Variants in ARFGEF3 observed in about 807,000 individuals in gnomAD.
The protein encoded by ARFGEF3 is brefeldin A-inhibited guanine nucleotide-exchange protein 3.
ARFGEF3 carries 96 observed loss-of-function variants against 221.7 expected under a neutral mutation model. The observed-to-expected ratio is 0.43, with a 90% CI of 0.37 to 0.51. The LOEUF (loss-of-function observed/expected upper bound fraction) is 0.51, where lower values mean the gene tolerates loss of function less well. Ranked by LOEUF, ARFGEF3 falls within the 20% of genes least tolerant of loss-of-function variation. The probability of loss-of-function intolerance (pLI) is 0.00; values close to 1 mark genes in which losing one functional copy is unlikely to be tolerated. For missense variants in ARFGEF3, 2,410 were observed against 2,789.9 expected (o/e 0.86, Z 3.07); for synonymous variants, 1,145 against 1,126.8 (o/e 1.02, Z -0.32).
intron 2 of ARFGEF3, among the ~76,000 whole-genome samples, chr6:138,195,795 T>G (rs1439603629): frequency 6.6e-6 from 1 of 152,132 alleles, no homozygotes; most frequent in African/African-American, 2.4e-5. Flanking sequence ...GACAAAGAGC[T>G]TCTTACGAAA....
At chr6:138,298,530 G>A (rs745874330) in intron 21 of ARFGEF3, 76 bp from the exon 22 acceptor site, 10 of 1,149,086 alleles carry the variant, frequency 8.7e-6, no homozygotes, top group Non-Finnish European at 1.2e-5. Context: ...TAATGAGGTG[G>A]GGTAGGAAAG....
intron 2 of ARFGEF3, among the ~76,000 whole-genome samples, chr6:138,171,757 C>A (rs536070391): frequency 4.1e-3 from 621 of 151,878 alleles, no homozygotes; most frequent in Non-Finnish European, 6.8e-3. Context: ...GACTTTGTTG[C>A]CTGCTTGATT....
chr6:138,219,236 G>T (rs867736815), intron 4 of ARFGEF3, among the ~76,000 whole-genome samples: 8 of 152,172 alleles, frequency 5.3e-5, no homozygotes, highest in Admixed American at 2.0e-4. Context: ...AGATAATTAT[G>T]TTGGGAGAGA....
intron 9 of ARFGEF3, among the ~76,000 whole-genome samples, chr6:138,255,218 A>G (rs985349360): frequency 6.6e-6 from 1 of 152,192 alleles, no homozygotes; most frequent in African/African-American, 2.4e-5. Flanking sequence ...TGCTTCTCTT[A>G]TATTTTATTT....
chr6:138,310,026 C>T (rs1035406880), intron 24 of ARFGEF3, among the ~76,000 whole-genome samples: 2 of 152,190 alleles, frequency 1.3e-5, no homozygotes, highest in Admixed American at 1.3e-4. Flanking sequence ...TAAACCATCA[C>T]ATAGAGGACA....
At chr6:138,335,293 AG>A (rs1780303041) in intron 33 of ARFGEF3, 105 bp downstream of exon 33, 2 of 1,192,032 alleles carry the variant, frequency 1.7e-6, no homozygotes, top group Non-Finnish European at 1.1e-6. Context: ...TTATAGAAAC[AG>A]GTAGGGGGTA....
intron 4 of ARFGEF3, among the ~76,000 whole-genome samples, chr6:138,228,001 C>G (rs144847235): frequency 6.6e-6 from 1 of 152,142 alleles, no homozygotes; most frequent in African/African-American, 2.4e-5. Context: ...AGCCTCCCTC[C>G]AAGCCCAGGG....
At chr6:138,302,763 G>C (rs966609201) in intron 22 of ARFGEF3, among the ~76,000 whole-genome samples, 3 of 152,168 alleles carry the variant, frequency 2.0e-5, no homozygotes, top group Non-Finnish European at 4.4e-5. Flanking sequence ...AGTGCTGGAA[G>C]AAAAACTGTC....
intron 6 of ARFGEF3, among the ~76,000 whole-genome samples, chr6:138,239,999 T>C (rs1778363794): frequency 6.6e-6 from 1 of 152,174 alleles, no homozygotes; most frequent in Admixed American, 6.5e-5. Context: ...CAGCCAGTGT[T>C]GAAAACAACA....
intron 4 of ARFGEF3, among the ~76,000 whole-genome samples, chr6:138,214,087 T>C (rs932580846): frequency 6.6e-6 from 1 of 152,210 alleles, no homozygotes; most frequent in Non-Finnish European, 1.5e-5. Flanking sequence ...TTTTTAATAA[T>C]CTCCAGAAGC....
At chr6:138,171,264 C>T (rs1459647262) in intron 2 of ARFGEF3, among the ~76,000 whole-genome samples, 1 of 151,650 alleles carries the variant, frequency 6.6e-6, no homozygotes, top group Non-Finnish European at 1.5e-5. Context: ...ATTCGCTCCC[C>T]CTGTCTGTAG....
intron 18 of ARFGEF3, among the ~76,000 whole-genome samples, chr6:138,290,812 G>C (rs1234839530): frequency 1.3e-5 from 2 of 152,232 alleles, no homozygotes; most frequent in Non-Finnish European, 2.9e-5. Flanking sequence ...CAGGGCACCA[G>C]CCAGAGCTGG....
rs141660802 is a variant in ARFGEF3 at position 138,276,826 on chromosome 6, G to A, written c.2129-1625G>A. Reference sequence around the variant, plus strand: ...GACTACAGGCATGCGCCACCATGCCGGGCTAATTTTTGTATTTTTAGTAGA... The same window carrying A: ...GACTACAGGCATGCGCCACCATGCCAGGCTAATTTTTGTATTTTTAGTAGA... On this transcript the variant is annotated intron_variant, in intron 12 of 33. Transcript: ENST00000251691. Among the ~76,000 whole-genome samples the A allele has an allele frequency of 4.6e-5, 7 of 152,072 alleles. No individual in the cohort carries two copies. In the East Asian group the frequency reaches 9.7e-4, roughly 21 times the overall value.
chr6:138,218,304 T>C (rs1404424228), intron 4 of ARFGEF3: 2 of 1,578,284 alleles, frequency 1.3e-6, no homozygotes, highest in African/African-American at 2.7e-5. Flanking sequence ...CCTTGGGAAG[T>C]TACTTAATCT....
intron 12 of ARFGEF3, 113 bp downstream of exon 12, chr6:138,263,724 T>C: frequency 2.9e-6 from 3 of 1,018,282 alleles, no homozygotes; most frequent in Non-Finnish European, 4.2e-6. Flanking sequence ...TATTAATGTA[T>C]CTTTGGGTTT....
chr6:138,285,090 T>C (rs188300153), intron 14 of ARFGEF3, among the ~76,000 whole-genome samples: 9 of 152,196 alleles, frequency 5.9e-5, no homozygotes, highest in African/African-American at 2.2e-4. Flanking sequence ...GAAATAAAAA[T>C]AATACTGACC....
chr6:138,290,909 TC>T (rs1435484204), intron 18 of ARFGEF3, among the ~76,000 whole-genome samples: 1 of 152,118 alleles, frequency 6.6e-6, no homozygotes, highest in African/African-American at 2.4e-5. Context: ...GACCTGCTGC[TC>T]TTTATTGCTC....
rs1779280051 is a variant in ARFGEF3, at chr6:138,285,941, G to A, written c.2462-5G>A. 6.3e-7 allele frequency: 1 copy of A among 1,595,614 alleles called. No homozygotes were observed. The highest frequency in any genetic ancestry group is 8.6e-7 in the Non-Finnish European group (1 of 1,165,212). On this transcript the variant is annotated splice_region_variant and splice_polypyrimidine_tract_variant and intron_variant, in intron 14 of 33. Transcript: ENST00000251691. Reference sequence around the variant, plus strand: ...AGGGAAAACTTCTTTCTTTTTCCTTGACAGATATTGACGGCTTAGAGAGCA... The same window carrying A: ...AGGGAAAACTTCTTTCTTTTTCCTTAACAGATATTGACGGCTTAGAGAGCA...
intron 32 of ARFGEF3, among the ~76,000 whole-genome samples, chr6:138,330,339 T>C (rs1031490457): frequency 1.3e-5 from 2 of 152,136 alleles, no homozygotes; most frequent in Non-Finnish European, 2.9e-5. Context: ...GAGAAGATGG[T>C]CACCTGTATT....
Sources: allele counts gnomAD v4.1 joint callset (sites outside exome capture counted in the v4.1 genomes callset), GRCh38; gene constraint gnomAD v4.1.1; transcripts MANE v1.5; gene names NCBI Gene and HGNC (gene_info 2026-07-23, HGNC 2026-07-21).